EYA1: variants seen among roughly 807,000 people sequenced by gnomAD.
EYA1 encodes protein phosphatase EYA1.
EYA1 carries 16 observed loss-of-function variants against 82.0 expected under a neutral mutation model. The observed-to-expected ratio is 0.20, with a 90% confidence interval of 0.13 to 0.30. The LOEUF (loss-of-function observed/expected upper bound fraction) is 0.30. EYA1 is among the 10% of genes least tolerant of loss of function. The pLI is 1.00. For synonymous variants in EYA1, 261 were observed against 264.4 expected (o/e 0.99, Z 0.12); for missense variants, 633 against 730.7 (o/e 0.87, Z 1.54).
intron 2 of EYA1, among the ~76,000 whole-genome samples, chr8:71,457,161 T>C (rs1807997438): frequency 6.6e-6 from 1 of 152,016 alleles, no homozygotes. Flanking sequence ...CATGAAAAAA[T>C]GCTCATCATC....
chr8:71,535,355 T>C (rs1814632352), intron 2 of EYA1, among the ~76,000 whole-genome samples: 1 of 152,184 alleles, frequency 6.6e-6, no homozygotes, highest in Non-Finnish European at 1.5e-5. Context: ...TACACACAGG[T>C]ATATTCATAA....
Position 71,271,915 on chromosome 8 carries a change from G to A in EYA1, c.827-18C>T. ...GCTGTACTCTGCAGGAATATAGGAA[G>A]GACTTTCATCTTTTATTTCCATCAC... On this transcript the variant is annotated intron_variant, in intron 9 of 17. Transcript: ENST00000340726. 3.7e-6 allele frequency: 6 copies of A among 1,614,030 alleles called. No homozygotes were observed. In the South Asian group the frequency reaches 5.5e-5, roughly 15 times the overall value.
intron 2 of EYA1, among the ~76,000 whole-genome samples, chr8:71,507,622 T>C (rs1000516743): frequency 6.6e-6 from 1 of 152,190 alleles, no homozygotes; most frequent in African/African-American, 2.4e-5. Context: ...TTGGAGAAGC[T>C]TTACTTGTCC....
chr8:71,216,923 C>T (rs1452686258), intron 13 of EYA1, 42 bp downstream of exon 13: 1 of 1,609,466 alleles, frequency 6.2e-7, no homozygotes, highest in South Asian at 1.1e-5. Flanking sequence ...AGTAATTAAA[C>T]TATAAAAGGG....
intron 7 of EYA1, among the ~76,000 whole-genome samples, chr8:71,313,997 T>C (rs1821632664): frequency 2.6e-5 from 4 of 152,196 alleles, no homozygotes; most frequent in Admixed American, 2.6e-4. Flanking sequence ...TCATACCTTA[T>C]ATTTTTAAAG....
chr8:71,291,423 G>A (rs1007755487), intron 9 of EYA1, among the ~76,000 whole-genome samples: 5 of 152,164 alleles, frequency 3.3e-5, no homozygotes, highest in African/African-American at 4.8e-5. Flanking sequence ...ATATCGGCAA[G>A]ATTCCCGTCC....
At chr8:71,483,474 C>A (rs912231297) in intron 2 of EYA1, among the ~76,000 whole-genome samples, 1 of 151,764 alleles carries the variant, frequency 6.6e-6, no homozygotes, top group Non-Finnish European at 1.5e-5. Flanking sequence ...GAAAAACACA[C>A]TTTAAAAAAG....
At position 71,327,045 on chromosome 8, in the gene EYA1, T is replaced by A. The variant is rs962070942; in HGVS notation, c.203-4777A>T. ...CTAAAAGAGACTCCCATTCATTCCTTTACTAAATTCTTTGATCAGCTTTTG... is the reference window on the plus strand; with the variant it reads ...CTAAAAGAGACTCCCATTCATTCCTATACTAAATTCTTTGATCAGCTTTTG... On this transcript the variant is annotated intron_variant, in intron 4 of 17. Coordinates refer to ENST00000340726, the MANE Select transcript of EYA1 (RefSeq NM_000503.6). 5.3e-5 allele frequency among the ~76,000 whole-genome samples: 8 copies of A among 152,320 alleles called. No homozygotes were observed. In the South Asian group the frequency reaches 1.7e-3, roughly 32 times the overall value.
chr8:71,507,156 A>C (rs973106452), intron 2 of EYA1, among the ~76,000 whole-genome samples: 4 of 152,304 alleles, frequency 2.6e-5, no homozygotes, highest in Admixed American at 1.3e-4. Context: ...TAGTTCTTAA[A>C]GCAGCCCTAT....
rs182449378 is a variant in EYA1 at position 71,246,790 on chromosome 8, G to C, written c.1051-2098C>G. 9.8e-5 allele frequency among the ~76,000 whole-genome samples: 15 copies of C among 152,318 alleles called. No homozygotes were observed. In the East Asian group the frequency reaches 2.9e-3, roughly 29 times the overall value. On this transcript the variant is annotated intron_variant, in intron 11 of 17. Transcript: ENST00000340726. ...GTTAGGAGAGAGCAGGGGCTGGAAAGGGTGGGAGATGGGAGCGGAGCCTTG... is the reference window on the plus strand; with the variant it reads ...GTTAGGAGAGAGCAGGGGCTGGAAACGGTGGGAGATGGGAGCGGAGCCTTG...
intron 2 of EYA1, among the ~76,000 whole-genome samples, chr8:71,494,118 C>T (rs1167207635): frequency 6.9e-6 from 1 of 144,886 alleles, no homozygotes; most frequent in East Asian, 2.1e-4. Flanking sequence ...CCAGTTTAAA[C>T]TTATTAGGTT....
intron 2 of EYA1, among the ~76,000 whole-genome samples, chr8:71,378,390 C>T (rs1338850980): frequency 6.6e-6 from 1 of 152,026 alleles, no homozygotes; most frequent in Admixed American, 6.6e-5. Context: ...GAAGTGGTAA[C>T]CATAAGAATG....
intron 2 of EYA1, among the ~76,000 whole-genome samples, chr8:71,376,585 C>T (rs1828385533): frequency 6.6e-6 from 1 of 152,058 alleles, no homozygotes; most frequent in Admixed American, 6.6e-5. Flanking sequence ...AGGGTTTTCT[C>T]TGGGCAACTG....
chr8:71,455,632 A>G (rs1807828588), intron 2 of EYA1, among the ~76,000 whole-genome samples: 1 of 152,218 alleles, frequency 6.6e-6, no homozygotes, highest in South Asian at 2.1e-4. Flanking sequence ...ATAATCCAGC[A>G]TATAAACAGA....
intron 2 of EYA1, among the ~76,000 whole-genome samples, chr8:71,394,242 G>T (rs1401515859): frequency 1.3e-5 from 2 of 152,136 alleles, no homozygotes; most frequent in East Asian, 3.9e-4. Context: ...TCTGTAGGTT[G>T]CCTATTCACT....
chr8:71,492,468 A>AT (rs748896646), intron 2 of EYA1, among the ~76,000 whole-genome samples: 9,830 of 137,926 alleles, frequency 0.071, 526 homozygotes, highest in East Asian at 0.23. Context: ...ATTTATTATT[A>AT]TTTTTTTTTT....
chr8:71,211,433 CA>C, intron 16 of EYA1, among the ~76,000 whole-genome samples, 177 bp from the exon 17 acceptor site: 1 of 152,284 alleles, frequency 6.6e-6, no homozygotes, highest in Non-Finnish European at 1.5e-5. Context: ...CAATAAATTA[CA>C]AAGTAAATTA....
chr8:71,235,704 G>T (rs1811746268), intron 12 of EYA1, among the ~76,000 whole-genome samples: 1 of 152,138 alleles, frequency 6.6e-6, no homozygotes, highest in African/African-American at 2.4e-5. Context: ...AGTTAGAACT[G>T]TGCCTAGGTA....
At chr8:71,411,453 A>G (rs75464212) in intron 2 of EYA1, among the ~76,000 whole-genome samples, 1 of 67,814 alleles carries the variant, frequency 1.5e-5, no homozygotes, top group African/African-American at 8.3e-5. Flanking sequence ...AACCTACAAA[A>G]TGGGAGAAAA....
Sources: gnomAD v4.1 joint callset for allele counts (sites outside exome capture counted in the v4.1 genomes callset) on GRCh38, gnomAD v4.1.1 for gene constraint, MANE v1.5 for transcripts, NCBI Gene and HGNC (gene_info 2026-07-23, HGNC 2026-07-21) for gene names.